FHIT: variants seen among roughly 807,000 people sequenced by gnomAD.
The protein encoded by FHIT is fragile histidine triad diadenosine triphosphatase.
FHIT carries 19 observed loss-of-function variants against 17.9 expected under a neutral mutation model. The ratio of observed to expected loss-of-function variants is 1.06; its 90% CI spans 0.74 to 1.56. The LOEUF is 1.56. FHIT is among the 40% of genes most tolerant of loss of function. The pLI is 0.00. For synonymous variants in FHIT, 81 were observed against 69.7 expected (o/e 1.16, Z -0.81); for missense variants, 248 against 189.2 (o/e 1.31, Z -1.82).
At chr3:60,686,693 C>T (rs576829221) in intron 4 of FHIT, among the ~76,000 whole-genome samples, 62 of 152,072 alleles carry the variant, frequency 4.1e-4, no homozygotes, top group Non-Finnish European at 6.9e-4. Flanking sequence ...ATTTGTAATG[C>T]TCCTTTTCTG....
chr3:59,754,893 G>A (rs1044729981), intron 8 of FHIT, among the ~76,000 whole-genome samples: 19 of 152,022 alleles, frequency 1.2e-4, no homozygotes. Flanking sequence ...TTAGAACAGC[G>A]GCACTCAACC....
chr3:60,808,433 C>T (rs372867370), intron 4 of FHIT, among the ~76,000 whole-genome samples: 20 of 152,022 alleles, frequency 1.3e-4, no homozygotes, highest in Non-Finnish European at 2.5e-4. Context: ...CCTACATGGC[C>T]GTCCTAGGCT....
intron 5 of FHIT, among the ~76,000 whole-genome samples, chr3:60,280,945 A>G (rs1246586850): frequency 5.6e-5 from 1 of 17,902 alleles, no homozygotes; most frequent in Non-Finnish European, 1.1e-4. Context: ...ATCCTAAAAA[A>G]TTGACAAAAC....
chr3:60,158,537 C>T (rs903421842), intron 5 of FHIT, among the ~76,000 whole-genome samples: 1 of 152,096 alleles, frequency 6.6e-6, no homozygotes, highest in African/African-American at 2.4e-5. Flanking sequence ...GTCTCAAACT[C>T]CTGACCTCAG....
At chr3:60,643,153 C>A (rs2039768011) in intron 4 of FHIT, among the ~76,000 whole-genome samples, 1 of 152,140 alleles carries the variant, frequency 6.6e-6, no homozygotes, top group Non-Finnish European at 1.5e-5. Flanking sequence ...TGAGTCTTCA[C>A]TGCAAGATAA....
At chr3:60,713,154 G>T (rs1485980373) in intron 4 of FHIT, among the ~76,000 whole-genome samples, 2 of 152,138 alleles carry the variant, frequency 1.3e-5, no homozygotes. Context: ...CATGGAAACT[G>T]AACAACCTGT....
intron 5 of FHIT, among the ~76,000 whole-genome samples, chr3:60,074,273 A>G (rs577255299): frequency 7.2e-5 from 11 of 152,136 alleles, no homozygotes; most frequent in Admixed American, 3.3e-4. Context: ...GCACCCATAC[A>G]AATGTTAAAC....
intron 2 of FHIT, among the ~76,000 whole-genome samples, chr3:61,054,183 C>A (rs79004805): frequency 1.3e-5 from 2 of 152,080 alleles, no homozygotes. Flanking sequence ...AAAAACACTT[C>A]TTACAGATTA....
At chr3:60,309,806 C>T (rs936465217) in intron 5 of FHIT, among the ~76,000 whole-genome samples, 5 of 152,182 alleles carry the variant, frequency 3.3e-5, no homozygotes, top group East Asian at 1.9e-4. Flanking sequence ...GATACATCCT[C>T]GCAGCTCTCC....
chr3:60,455,126 G>A (rs190995981), intron 5 of FHIT, among the ~76,000 whole-genome samples: 2 of 152,202 alleles, frequency 1.3e-5, no homozygotes, highest in East Asian at 3.9e-4. Flanking sequence ...GGGTGAGGTA[G>A]GGTGAGGGGA....
chr3:60,033,495 A>C (rs947429283), intron 5 of FHIT, among the ~76,000 whole-genome samples: 10 of 145,442 alleles, frequency 6.9e-5, no homozygotes, highest in South Asian at 4.3e-4. Context: ...ACTCCATCCC[A>C]AAAAAAAAAG....
At chr3:61,040,361 C>A (rs1174744993) in intron 3 of FHIT, among the ~76,000 whole-genome samples, 2 of 152,126 alleles carry the variant, frequency 1.3e-5, no homozygotes, top group African/African-American at 4.8e-5. Flanking sequence ...TCAGTGCAAA[C>A]CTTATTTTGC....
chr3:61,208,178 G>C (rs536495718), intron 1 of FHIT, among the ~76,000 whole-genome samples: 9 of 152,262 alleles, frequency 5.9e-5, no homozygotes, highest in South Asian at 2.1e-4. Context: ...TGGTCTGAGA[G>C]ACAGTTTCTT....
chr3:60,259,516 C>T (rs1392754449), intron 5 of FHIT, among the ~76,000 whole-genome samples: 1 of 152,168 alleles, frequency 6.6e-6, no homozygotes, highest in African/African-American at 2.4e-5. Context: ...GTTATGGCAA[C>T]TGCAAATAAT....
chr3:60,236,767 T>C (rs529838387), intron 5 of FHIT, among the ~76,000 whole-genome samples: 8 of 152,240 alleles, frequency 5.3e-5, no homozygotes, highest in Non-Finnish European at 7.4e-5. Flanking sequence ...TCAAACCATA[T>C]AGAAAAATAT....
In FHIT at chr3:60,089,993, C is replaced by T. The variant is rs1703662845; in HGVS notation, c.104-75841G>A. On this transcript the variant is annotated intron_variant, in intron 5 of 9. Transcript: ENST00000492590. ...AACAACAGCCATCACTTATGTAGTG[C>T]TTACTGTGTTCCAGGCATTGATCTA... Among the ~76,000 whole-genome samples the T allele has an allele frequency of 2.0e-5, 3 of 152,150 alleles. No homozygotes were observed. The South Asian group carries it at 6.2e-4, about 32-fold the overall frequency.
chr3:59,885,778 C>G (rs1703598204), intron 8 of FHIT, among the ~76,000 whole-genome samples: 1 of 152,130 alleles, frequency 6.6e-6, no homozygotes, highest in Non-Finnish European at 1.5e-5. Flanking sequence ...TTTCATTTTC[C>G]AAAAGAAATC....
At chr3:61,128,410 GA>G (rs2036671595) in intron 2 of FHIT, among the ~76,000 whole-genome samples, 1 of 152,136 alleles carries the variant, frequency 6.6e-6, no homozygotes. Context: ...ATATAACTTA[GA>G]AGATAATAGG....
intron 3 of FHIT, among the ~76,000 whole-genome samples, chr3:60,944,391 T>G (rs1553775277): frequency 1.3e-5 from 2 of 152,020 alleles, no homozygotes; most frequent in Non-Finnish European, 1.5e-5. Context: ...AACCAAACAA[T>G]CACTTTAAAT....
Sources: gnomAD v4.1 joint callset for allele counts (sites outside exome capture counted in the v4.1 genomes callset) on GRCh38, gnomAD v4.1.1 for gene constraint, MANE v1.5 for transcripts, NCBI Gene and HGNC (gene_info 2026-07-23, HGNC 2026-07-21) for gene names.